The following CCT8 variants were observed in gnomAD, a reference collection of about 807,000 sequenced individuals.
The protein encoded by CCT8 is T-complex protein 1 subunit theta.
CCT8 carries 10 observed loss-of-function variants against 65.7 expected under a neutral mutation model. That is an observed-to-expected ratio of 0.15 (90% CI 0.09 to 0.26). The LOEUF is 0.26. Among genes scored for constraint, CCT8 ranks in the 10% least tolerant of loss-of-function variants. The pLI is 1.00. For missense variants in CCT8, 568 were observed against 669.1 expected (o/e 0.85, Z 1.67); for synonymous variants, 199 against 221.8 (o/e 0.90, Z 0.92).
intron 11 of CCT8, 101 bp from the exon 12 acceptor site, chr21:29,061,668 A>C (rs921661820): frequency 1.9e-5 from 22 of 1,149,838 alleles, no homozygotes; most frequent in Middle Eastern, 2.8e-4. Context: ...GTACCCCACC[A>C]AACAGGAGTT....
intron 1 of CCT8, 106 bp downstream of exon 1, chr21:29,073,425 G>A (rs1307020520): frequency 1.9e-6 from 3 of 1,569,012 alleles, no homozygotes; most frequent in Non-Finnish European, 2.6e-6. Context: ...CCCGGCCGCT[G>A]AGCCAGGGCA....
chr21:29,072,697 T>C (rs2085695391), intron 1 of CCT8, among the ~76,000 whole-genome samples: 1 of 152,214 alleles, frequency 6.6e-6, no homozygotes, highest in Non-Finnish European at 1.5e-5. Context: ...ATTTCTTGAA[T>C]TAACAAAATC....
Position 29,064,953 on chromosome 21 carries a change from T to A in CCT8, c.762+15A>T, listed in dbSNP as rs1191115336. 1 of 1,610,978 alleles carries A rather than the reference T, an allele frequency of 6.2e-7. No homozygotes were observed. Among genetic ancestry groups the A allele is most frequent in the African/African-American group, 1.3e-5 (1 of 74,946 alleles). On this transcript the variant is annotated intron_variant, in intron 7 of 14. Coordinates refer to ENST00000286788, the MANE Select transcript of CCT8 (RefSeq NM_006585.4). ...CAACCCCAATTATTACTTTTAAGGT[T>A]TGAAGTCTACATACCTTAGTTTCTG...
intron 1 of CCT8, 126 bp from the exon 2 acceptor site, chr21:29,070,463 G>C (rs535368406): frequency 2.0e-6 from 1 of 502,974 alleles, no homozygotes; most frequent in South Asian, 3.5e-5. Flanking sequence ...TAGGTATTTG[G>C]CACAAGAGGG....
intron 8 of CCT8, chr21:29,062,905 A>G (rs1568911331): frequency 2.9e-6 from 1 of 347,342 alleles, no homozygotes; most frequent in Non-Finnish European, 5.3e-6. Context: ...TTTTTGCTTT[A>G]CTTTGTGCAA....
chr21:29,070,431 C>T, intron 1 of CCT8, 94 bp from the exon 2 acceptor site: 1 of 684,314 alleles, frequency 1.5e-6, no homozygotes, highest in Non-Finnish European at 2.4e-6. Flanking sequence ...TATCTTGCCT[C>T]TAATAAAGAG....
intron 1 of CCT8, among the ~76,000 whole-genome samples, chr21:29,072,653 T>C (rs925150665): frequency 1.3e-5 from 2 of 152,210 alleles, no homozygotes; most frequent in African/African-American, 4.8e-5. Flanking sequence ...TCCCCGTACC[T>C]CGCATAAAAC....
At chr21:29,063,688 T>C (rs2085589092) in intron 7 of CCT8, among the ~76,000 whole-genome samples, 158 bp from the exon 8 acceptor site, 1 of 152,218 alleles carries the variant, frequency 6.6e-6, no homozygotes. Flanking sequence ...ATGTGTGAAA[T>C]AGAAACTCAG....
intron 4 of CCT8, 82 bp downstream of exon 4, chr21:29,067,474 A>G: frequency 6.2e-6 from 7 of 1,132,402 alleles, no homozygotes; most frequent in Non-Finnish European, 8.3e-6. Context: ...CTACTACTAT[A>G]ATAATGATTT....
At chr21:29,056,960 A>AG (rs1000772946) in intron 14 of CCT8, among the ~76,000 whole-genome samples, 17 of 152,220 alleles carry the variant, frequency 1.1e-4, no homozygotes, top group African/African-American at 3.1e-4. Context: ...TAGGAGCTTT[A>AG]GGCCCACCTG....
chr21:29,065,688 T>C (rs868673974), intron 6 of CCT8, among the ~76,000 whole-genome samples: 1 of 152,242 alleles, frequency 6.6e-6, no homozygotes, highest in Non-Finnish European at 1.5e-5. Context: ...AACATTAAAG[T>C]GTGAATTCTA....
chr21:29,073,575 G>T lies in CCT8; in HGVS notation c.16C>A (p.Pro6Thr). 6.2e-7 allele frequency: 1 copy of T among 1,614,136 alleles called. No homozygotes were observed. The highest frequency in any genetic ancestry group is 8.5e-7 in the Non-Finnish European group (1 of 1,180,038). Residue 6 changes from proline to threonine, a missense_variant, in exon 1 of 15, where the codon CCC becomes ACC. Pro to Thr is a conservative substitution (Grantham distance 38). Transcript: ENST00000286788. ...ATCTGGGCAAAGCCCGGAGCCTTGGGAACGTGAAGCGCCATGGCCAGCCTG... is the reference window on the plus strand; with the variant it reads ...ATCTGGGCAAAGCCCGGAGCCTTGGTAACGTGAAGCGCCATGGCCAGCCTG... Reference protein sequence around the residue: MALHVPKAPGFAQMLK... With the variant: MALHVTKAPGFAQMLK...
At position 29,057,517 on chromosome 21, in the gene CCT8, C is replaced by T. The variant is rs544792282; in HGVS notation, c.1570-965G>A. ...ACCTGAACTGGGCAGTGGCTCATGC[C>T]TGTAATCCTAGCACTTTGGGAGGCC... On this transcript the variant is annotated intron_variant, in intron 14 of 14. Transcript: ENST00000286788. 5.6e-3 allele frequency among the ~76,000 whole-genome samples: 850 copies of T among 151,406 alleles called. 4 individuals are homozygous for T. The highest frequency in any genetic ancestry group is 8.9e-3 in the Non-Finnish European group (606 of 67,852).
At chr21:29,071,455 G>C (rs373117249) in intron 1 of CCT8, among the ~76,000 whole-genome samples, 5 of 150,880 alleles carry the variant, frequency 3.3e-5, no homozygotes, top group East Asian at 4.0e-4. Flanking sequence ...TGAGATCGTG[G>C]CACGATCTCA....
At chr21:29,073,395 T>C in intron 1 of CCT8, 136 bp downstream of exon 1, 1 of 1,494,332 alleles carries the variant, frequency 6.7e-7, no homozygotes, top group Non-Finnish European at 8.9e-7. Flanking sequence ...ATCACCTCCC[T>C]TTCTGGAATC....
chr21:29,060,302 A>C (rs1601088295), intron 14 of CCT8, among the ~76,000 whole-genome samples: 1 of 152,072 alleles, frequency 6.6e-6, no homozygotes, highest in Non-Finnish European at 1.5e-5. Flanking sequence ...TTATATATTA[A>C]ATTTACTCTC....
intron 1 of CCT8, 46 bp downstream of exon 1, chr21:29,073,484 AG>A (rs1186582411): frequency 6.2e-7 from 1 of 1,613,112 alleles, no homozygotes; most frequent in Non-Finnish European, 8.5e-7. Flanking sequence ...CGGCCGCCGC[AG>A]CCCTATGCTG....
At chr21:29,057,359 C>T (rs1353779095) in intron 14 of CCT8, among the ~76,000 whole-genome samples, 2 of 151,184 alleles carry the variant, frequency 1.3e-5, no homozygotes, top group African/African-American at 4.8e-5. Context: ...TTAGTAGAGA[C>T]GGGGTTTCAC....
chr21:29,061,903 G>A (rs563750479), intron 11 of CCT8, among the ~76,000 whole-genome samples: 1 of 152,162 alleles, frequency 6.6e-6, no homozygotes, highest in African/African-American at 2.4e-5. Flanking sequence ...TTTTTTTAAA[G>A]CTCTGTTTTG....
Sources: allele counts gnomAD v4.1 joint callset (sites outside exome capture counted in the v4.1 genomes callset), GRCh38; gene constraint gnomAD v4.1.1; transcripts MANE v1.5; gene names NCBI Gene and HGNC (gene_info 2026-07-23, HGNC 2026-07-21).